The following PIK3C2G variants were observed in gnomAD, a reference collection of about 807,000 sequenced individuals.
PIK3C2G encodes phosphatidylinositol 3-kinase C2 domain-containing subunit gamma.
Under a neutral mutation model 181.1 loss-of-function variants are expected in PIK3C2G, and 168 were observed. The observed-to-expected ratio is 0.93, with a 90% CI of 0.82 to 1.05. The LOEUF (loss-of-function observed/expected upper bound fraction) is 1.05. PIK3C2G is among the 50% of genes least tolerant of loss of function. PIK3C2G has a pLI of 0.00. For synonymous variants in PIK3C2G, 573 were observed against 592.2 expected (o/e 0.97, Z 0.47); for missense variants, 1,869 against 1,732.8 (o/e 1.08, Z -1.40).
chr12:18,407,342 A>T (rs1020356100), intron 16 of PIK3C2G, among the ~76,000 whole-genome samples: 2 of 152,170 alleles, frequency 1.3e-5, no homozygotes, highest in African/African-American at 4.8e-5. Context: ...CATAATTTAC[A>T]AAGCATTTCA....
intron 16 of PIK3C2G, among the ~76,000 whole-genome samples, chr12:18,409,071 C>T (rs528231163): frequency 6.6e-6 from 1 of 152,236 alleles, no homozygotes; most frequent in South Asian, 2.1e-4. Flanking sequence ...GATTATAAAT[C>T]ATTCTACTAT....
the PIK3C2G span, among the ~76,000 whole-genome samples, chr12:18,718,897 T>C: frequency 1.3e-5 from 2 of 152,196 alleles, no homozygotes; most frequent in African/African-American, 4.8e-5. Flanking sequence ...GATAGGTACA[T>C]TGTTAGGTAT....
At chr12:18,485,865 G>C (rs41368644) in intron 18 of PIK3C2G, among the ~76,000 whole-genome samples, 5,458 of 152,214 alleles carry the variant, frequency 0.036, 110 homozygotes, top group South Asian at 0.07. Context: ...AACCTTAAAA[G>C]AGAGTGGCCA....
chr12:18,307,307 G>C (rs188246543), intron 5 of PIK3C2G, among the ~76,000 whole-genome samples: 321 of 151,674 alleles, frequency 2.1e-3, no homozygotes, highest in Admixed American at 8.2e-3. Flanking sequence ...CAGATAGATA[G>C]AATCAAATAT....
intron 18 of PIK3C2G, among the ~76,000 whole-genome samples, chr12:18,449,087 C>G (rs1261859593): frequency 6.6e-6 from 1 of 151,670 alleles, no homozygotes; most frequent in Non-Finnish European, 1.5e-5. Context: ...ATAGTTGTAC[C>G]AATTTACATT....
At chr12:18,604,240 G>A (rs1341279855) in intron 30 of PIK3C2G, among the ~76,000 whole-genome samples, 1 of 152,176 alleles carries the variant, frequency 6.6e-6, no homozygotes, top group Admixed American at 6.5e-5. Context: ...AGCAGGGTTA[G>A]CTATTCTTAT....
At chr12:18,548,404 AG>A (rs1323766771) in intron 26 of PIK3C2G, among the ~76,000 whole-genome samples, 1 of 152,074 alleles carries the variant, frequency 6.6e-6, no homozygotes, top group South Asian at 2.1e-4. Context: ...GGATGAAAAA[AG>A]TTCTTTCAGG....
intron 8 of PIK3C2G, among the ~76,000 whole-genome samples, chr12:18,328,398 A>G (rs1299934626): frequency 6.6e-6 from 1 of 152,000 alleles, no homozygotes; most frequent in East Asian, 1.9e-4. Context: ...AGAAAATTCC[A>G]TATATGAGTA....
At chr12:18,594,221 A>G (rs1947233424) in intron 29 of PIK3C2G, among the ~76,000 whole-genome samples, 1 of 152,018 alleles carries the variant, frequency 6.6e-6, no homozygotes, top group Admixed American at 6.6e-5. Flanking sequence ...AAGAATGTGG[A>G]CATTTATGAT....
At chr12:18,643,553 T>G (rs1440262002) in intron 32 of PIK3C2G, among the ~76,000 whole-genome samples, 1 of 151,862 alleles carries the variant, frequency 6.6e-6, no homozygotes, top group African/African-American at 2.4e-5. Context: ...TTTAATTTTT[T>G]TCATTCTATG....
chr12:18,428,704 G>C (rs922252806), intron 18 of PIK3C2G, among the ~76,000 whole-genome samples: 1 of 152,164 alleles, frequency 6.6e-6, no homozygotes, highest in Non-Finnish European at 1.5e-5. Context: ...AGGCTCACGT[G>C]AGTCTCTTCC....
chr12:18,503,169 A>G, intron 22 of PIK3C2G, 112 bp from the exon 23 acceptor site: 7 of 660,118 alleles, frequency 1.1e-5, no homozygotes, highest in Non-Finnish European at 1.4e-5. Flanking sequence ...AGAAGATTTG[A>G]AAAGGAAAGG....
At chr12:18,286,953 C>G (rs769851292) in intron 3 of PIK3C2G, 24 bp downstream of exon 3, 1 of 1,318,932 alleles carries the variant, frequency 7.6e-7, no homozygotes, top group Admixed American at 2.5e-5. Flanking sequence ...TTTCATTAAA[C>G]TTTGAAATTT....
the PIK3C2G span, among the ~76,000 whole-genome samples, chr12:18,664,841 G>C: frequency 6.6e-6 from 1 of 151,498 alleles, no homozygotes; most frequent in Non-Finnish European, 1.5e-5. Context: ...AAAATGATGA[G>C]TTCATGTCCT....
intron 24 of PIK3C2G, among the ~76,000 whole-genome samples, chr12:18,520,480 T>C (rs1156750551): frequency 2.0e-5 from 3 of 152,166 alleles, no homozygotes; most frequent in Admixed American, 6.5e-5. Flanking sequence ...CAAACTCTGA[T>C]ATTCTTTCTT....
intron 5 of PIK3C2G, among the ~76,000 whole-genome samples, chr12:18,310,050 G>A (rs4390392): frequency 0.99 from 149,677 of 151,896 alleles, 73,769 homozygotes; most frequent in East Asian, 1. Context: ...AAATGAAGTT[G>A]AAATTTTTAA....
chr12:18,422,606 G>T (rs775362489), intron 17 of PIK3C2G, among the ~76,000 whole-genome samples: 1 of 152,048 alleles, frequency 6.6e-6, no homozygotes, highest in African/African-American at 2.4e-5. Context: ...ATAATGTGGT[G>T]TTCACCAGAA....
At chr12:18,565,063 G>A (rs1945555600) in intron 28 of PIK3C2G, among the ~76,000 whole-genome samples, 1 of 152,136 alleles carries the variant, frequency 6.6e-6, no homozygotes, top group Non-Finnish European at 1.5e-5. Context: ...AACCTGTGGA[G>A]GCAAGGAACA....
At chr12:18,656,729 T>A in the PIK3C2G span, among the ~76,000 whole-genome samples, 1 of 134,756 alleles carries the variant, frequency 7.4e-6, no homozygotes, top group Non-Finnish European at 1.6e-5. Context: ...AGCATGACCC[T>A]GTCTCAAACA....
Sources: gnomAD v4.1 joint callset for allele counts (sites outside exome capture counted in the v4.1 genomes callset) on GRCh38, gnomAD v4.1.1 for gene constraint, MANE v1.5 for transcripts, NCBI Gene and HGNC (gene_info 2026-07-23, HGNC 2026-07-21) for gene names.